HHAT: variants seen among roughly 807,000 people sequenced by gnomAD.
HHAT encodes protein-cysteine N-palmitoyltransferase HHAT.
Under a neutral mutation model 70.8 loss-of-function variants are expected in HHAT, and 47 were observed. The observed-to-expected ratio is 0.66, with a 90% CI of 0.53 to 0.85. The LOEUF (loss-of-function observed/expected upper bound fraction) is 0.85. HHAT is among the 40% of genes least tolerant of loss of function. The probability of loss-of-function intolerance (pLI) is 0.00; values close to 1 mark genes in which losing one functional copy is unlikely to be tolerated. For synonymous variants in HHAT, 228 were observed against 247.6 expected (o/e 0.92, Z 0.74); for missense variants, 609 against 604.8 (o/e 1.01, Z -0.07).
chr1:210,555,955 G>A (rs1480042102), intron 9 of HHAT, among the ~76,000 whole-genome samples: 1 of 152,116 alleles, frequency 6.6e-6, no homozygotes, highest in Non-Finnish European at 1.5e-5. Context: ...GATGTTTGGA[G>A]GCCCTGTTTT....
At chr1:210,580,606 T>C (rs1471122446) in intron 9 of HHAT, among the ~76,000 whole-genome samples, 2 of 151,298 alleles carry the variant, frequency 1.3e-5, no homozygotes, top group Non-Finnish European at 2.9e-5. Flanking sequence ...TTTCTGTTCC[T>C]GTGTTAGTTT....
chr1:210,391,380 A>T (rs1009837839), intron 4 of HHAT, among the ~76,000 whole-genome samples: 1 of 152,190 alleles, frequency 6.6e-6, no homozygotes, highest in Non-Finnish European at 1.5e-5. Context: ...AGATTTTTTT[A>T]TACAAGACAC....
chr1:210,542,494 A>ATATAT (rs573554990), intron 9 of HHAT, among the ~76,000 whole-genome samples: 2 of 139,072 alleles, frequency 1.4e-5, no homozygotes, highest in Non-Finnish European at 3.2e-5. Context: ...AGTTAAAAAA[A>ATATAT]AAATATATAT....
intron 9 of HHAT, among the ~76,000 whole-genome samples, chr1:210,523,615 C>CGT (rs1238526012): frequency 6.8e-6 from 1 of 147,574 alleles, no homozygotes; most frequent in Non-Finnish European, 1.5e-5. Flanking sequence ...TGTGTGTGTG[C>CGT]GCGCGCACAC....
intron 8 of HHAT, among the ~76,000 whole-genome samples, chr1:210,470,830 A>G (rs1350770310): frequency 1.3e-5 from 2 of 152,110 alleles, no homozygotes; most frequent in East Asian, 1.9e-4. Context: ...TGGCTCCACT[A>G]CTTACTAGCT....
At chr1:210,355,777 G>A (rs981851313) in intron 2 of HHAT, among the ~76,000 whole-genome samples, 10 of 152,160 alleles carry the variant, frequency 6.6e-5, no homozygotes, top group African/African-American at 2.2e-4. Context: ...CTGCATCAGT[G>A]TCTGATGTTA....
At chr1:210,332,918 C>T (rs1043022820) in intron 1 of HHAT, among the ~76,000 whole-genome samples, 1 of 152,168 alleles carries the variant, frequency 6.6e-6, no homozygotes, top group Non-Finnish European at 1.5e-5. Flanking sequence ...AGAAGCTTAC[C>T]AGTGATGTTT....
intron 8 of HHAT, among the ~76,000 whole-genome samples, chr1:210,509,700 G>C (rs1313221450): frequency 6.6e-6 from 1 of 152,168 alleles, no homozygotes; most frequent in Non-Finnish European, 1.5e-5. Flanking sequence ...TCTCCACTCT[G>C]TGTGTGCTGC....
chr1:210,453,462 T>C (rs986307300), intron 7 of HHAT, among the ~76,000 whole-genome samples: 1 of 152,174 alleles, frequency 6.6e-6, no homozygotes, highest in African/African-American at 2.4e-5. Context: ...GTTATAAATA[T>C]ATACTGAAAT....
chr1:210,479,744 T>A (rs1261731941), intron 8 of HHAT, among the ~76,000 whole-genome samples: 1 of 152,214 alleles, frequency 6.6e-6, no homozygotes, highest in African/African-American at 2.4e-5. Context: ...TCCCTGAAAA[T>A]AAGTGAAATA....
At chr1:210,619,895 C>A (rs1398605727) in intron 10 of HHAT, among the ~76,000 whole-genome samples, 3 of 152,220 alleles carry the variant, frequency 2.0e-5, no homozygotes, top group African/African-American at 7.2e-5. Flanking sequence ...CCATTATTGC[C>A]TTAGCTGATG....
chr1:210,636,710 A>C (rs12090004), intron 11 of HHAT, among the ~76,000 whole-genome samples: 12,819 of 152,238 alleles, frequency 0.084, 624 homozygotes, highest in Middle Eastern at 0.14. Flanking sequence ...ATTGCCGGAA[A>C]CAGAAGTCTT....
At chr1:210,354,680 T>C (rs57318082) in intron 2 of HHAT, among the ~76,000 whole-genome samples, 165 of 152,214 alleles carry the variant, frequency 1.1e-3, no homozygotes, top group African/African-American at 3.9e-3. Flanking sequence ...TAAATTCTTA[T>C]ATTCTGTTTA....
At chr1:210,519,826 CTTT>C (rs561537666) in intron 9 of HHAT, among the ~76,000 whole-genome samples, 1 of 127,252 alleles carries the variant, frequency 7.9e-6, no homozygotes. Flanking sequence ...CCACACTTGG[CTTT>C]TTTTTTTTTT....
At chr1:210,474,383 T>G (rs1420284739) in intron 8 of HHAT, among the ~76,000 whole-genome samples, 1 of 152,204 alleles carries the variant, frequency 6.6e-6, no homozygotes, top group East Asian at 1.9e-4. Context: ...CGCCACCTTC[T>G]GGGCTCAGGT....
intron 10 of HHAT, among the ~76,000 whole-genome samples, chr1:210,594,455 C>G (rs112948223): frequency 4.1e-3 from 625 of 151,824 alleles, no homozygotes; most frequent in Middle Eastern, 6.8e-3. Context: ...TACACTTTAA[C>G]TTTGTTTGCA....
intron 8 of HHAT, among the ~76,000 whole-genome samples, chr1:210,475,201 T>G (rs573733985): frequency 1.4e-4 from 22 of 152,234 alleles, no homozygotes; most frequent in Admixed American, 4.6e-4. Flanking sequence ...TTTTGAGTCC[T>G]GGCCAGGCCC....
At chr1:210,648,818 G>A (rs906439931) in intron 11 of HHAT, among the ~76,000 whole-genome samples, 1 of 152,204 alleles carries the variant, frequency 6.6e-6, no homozygotes, top group African/African-American at 2.4e-5. Context: ...ATTGCATGGA[G>A]GTCTGAATGT....
rs546451443 is a variant in HHAT, at chr1:210,515,626, C to T, written c.1043+2438C>T. Among the ~76,000 whole-genome samples, 12 of 151,860 alleles carry T rather than the reference C, an allele frequency of 7.9e-5. No individual in the cohort carries two copies. In the East Asian group the frequency reaches 2.3e-3, roughly 30 times the overall value. ...CAAAAAAATTAGCCGGGCATGGTGG[C>T]GGGCTCCTGTAGTCCCAGCTACTCG... On this transcript the variant is annotated intron_variant, in intron 9 of 11. Transcript: ENST00000261458.
Sources: allele counts gnomAD v4.1 joint callset (sites outside exome capture counted in the v4.1 genomes callset), GRCh38; gene constraint gnomAD v4.1.1; transcripts MANE v1.5; gene names NCBI Gene and HGNC (gene_info 2026-07-23, HGNC 2026-07-21).